The following LILRB1 variants were observed in gnomAD, a reference collection of about 807,000 sequenced individuals.
The protein encoded by LILRB1 is leukocyte immunoglobulin like receptor B1.
In LILRB1, 59 loss-of-function variants were observed where a neutral mutation model predicts 74.6. That is an observed-to-expected ratio of 0.79 (90% CI 0.64 to 0.98). The LOEUF (loss-of-function observed/expected upper bound fraction) is 0.98. Ranked by LOEUF, LILRB1 falls within the 50% of genes least tolerant of loss-of-function variation. The pLI, the probability that LILRB1 is intolerant of heterozygous loss-of-function variation, is 0.00. For synonymous variants in LILRB1, 328 were observed against 333.9 expected (o/e 0.98, Z 0.19); for missense variants, 804 against 822.6 (o/e 0.98, Z 0.28).
At chr19:54,633,733 C>T (rs757979411) in intron 8 of LILRB1, 45 bp downstream of exon 8, 2 of 1,585,278 alleles carry the variant, frequency 1.3e-6, no homozygotes, top group Non-Finnish European at 1.7e-6. Flanking sequence ...CGGCCTCCCC[C>T]AGGGCAGCCC....
chr19:54,635,364 G>A (rs1216501083), intron 12 of LILRB1, 68 bp downstream of exon 12: 2 of 1,593,436 alleles, frequency 1.3e-6, no homozygotes, highest in African/African-American at 2.7e-5. Flanking sequence ...TAGCAATGGG[G>A]AAAGGGGCGC....
At position 54,637,907 on chromosome 19, in the gene LILRB1, A is replaced by G. The variant is rs979338361; in HGVS notation, c.*1029A>G. 6.6e-6 allele frequency among the ~76,000 whole-genome samples: 1 copy of G among 152,252 alleles called. No individual in the cohort carries two copies. The highest frequency in any genetic ancestry group is 2.4e-5 in the African/African-American group (1 of 41,466). On this transcript the variant is annotated 3_prime_UTR_variant, in exon 15 of 15. Transcript: ENST00000324602. ...TGAAATATTCTAAACTGGAGTTTAC[A>G]TAATGAACATAAGAGTAATCAGAGA...
chr19:54,633,867 G>A (rs1446248421), intron 8 of LILRB1, 104 bp from the exon 9 acceptor site: 40 of 1,486,860 alleles, frequency 2.7e-5, no homozygotes, highest in East Asian at 4.9e-5. Flanking sequence ...AGGGGTGGGG[G>A]GTCAAGGCAG....
At chr19:54,621,717 G>A (rs1281095917) in intron 1 of LILRB1, among the ~76,000 whole-genome samples, 1 of 151,828 alleles carries the variant, frequency 6.6e-6, no homozygotes, top group African/African-American at 2.4e-5. Flanking sequence ...GTCTATTCGG[G>A]GGTTTGTTGC....
chr19:54,628,949 G>A (rs775032457), upstream of LILRB1, among the ~76,000 whole-genome samples: 8 of 152,180 alleles, frequency 5.3e-5, no homozygotes, highest in Non-Finnish European at 8.8e-5. Context: ...TATGAGCCAG[G>A]AACCGCAGGT....
At chr19:54,633,378 G>T in intron 7 of LILRB1, 60 bp downstream of exon 7, 1 of 1,541,132 alleles carries the variant, frequency 6.5e-7, no homozygotes, top group Non-Finnish European at 8.8e-7. Flanking sequence ...CCTGCCCCAG[G>T]AGAGCTCTGG....
chr19:54,627,289 C>G (rs2063619275), upstream of LILRB1, among the ~76,000 whole-genome samples: 1 of 152,188 alleles, frequency 6.6e-6, no homozygotes, highest in African/African-American at 2.4e-5. Context: ...AAGCCCTCCC[C>G]TCAACGAAAT....
intron 1 of LILRB1, among the ~76,000 whole-genome samples, chr19:54,618,366 T>C (rs534628250): frequency 9.4e-4 from 143 of 152,316 alleles, no homozygotes; most frequent in Non-Finnish European, 1.8e-3. Context: ...TTAAGTAAAA[T>C]CTTTAATAAA....
rs1212679795 is a variant in LILRB1 at position 54,636,996 on chromosome 19, C to A, written c.*118C>A. ...GATCTACCCCAGGAGACTCTGGGAA[C>A]TTTTAGGGGTCACTCAATTCTGCAG... is the stretch of plus-strand genomic sequence containing the variant. On this transcript the variant is annotated 3_prime_UTR_variant, in exon 15 of 15. Coordinates refer to ENST00000324602, the MANE Select transcript of LILRB1 (RefSeq NM_001081637.3). The A allele has an allele frequency of 2.2e-5, 28 of 1,278,808 alleles. No individual in the cohort carries two copies. Among genetic ancestry groups the A allele is most frequent in the Non-Finnish European group, 2.9e-5 (27 of 920,146 alleles). The allele number at this position is 1,278,808 out of a possible 1,614,324, so 79.2% of individuals were successfully genotyped here.
In LILRB1 at chr19:54,636,655, G is replaced by C. The variant is rs1299131541; in HGVS notation, c.1812+3G>C. ...AGGACAGGCAGATGGACACTGAGGT[G>C]AGTCCTTTCCTCTCCAGGCCCCCAG... On this transcript the variant is annotated splice_donor_region_variant and intron_variant, in intron 14 of 14. Transcript: ENST00000324602. 1.9e-6 allele frequency: 3 copies of C among 1,610,846 alleles called. No homozygotes were observed. The South Asian group carries it at 3.3e-5, about 18-fold the overall frequency.
chr19:54,634,843 G>A, intron 10 of LILRB1, 80 bp downstream of exon 10: 4 of 1,557,758 alleles, frequency 2.6e-6, no homozygotes, highest in Non-Finnish European at 3.5e-6. Context: ...AAACCACTGG[G>A]CAAATGCAGC....
intron 12 of LILRB1, 97 bp from the exon 13 acceptor site, chr19:54,635,460 C>G: frequency 6.5e-7 from 1 of 1,532,144 alleles, no homozygotes; most frequent in Admixed American, 1.8e-5. Context: ...CTCCCTGCAT[C>G]TCAGTGGCCC....
At position 54,636,762 on chromosome 19, in the gene LILRB1, A is replaced by G. The variant is rs1246292065; in HGVS notation, c.1843A>G (p.Thr615Ala). Residue 615 changes from threonine to alanine, a missense_variant, in exon 15 of 15, where the codon ACC (threonine) becomes GCC (alanine). Transcript: ENST00000324602. ...TGCATCTGAAGCCCCCCAGGATGTGACCTACGCCCAGCTGCACAGCTTGAC... is the reference window on the plus strand; with the variant it reads ...TGCATCTGAAGCCCCCCAGGATGTGGCCTACGCCCAGCTGCACAGCTTGAC... ...AAASEAPQDV[T>A]YAQLHSLTLR... 1 of 1,589,168 alleles carries G rather than the reference A, an allele frequency of 6.3e-7. No individual in the cohort carries two copies. Among genetic ancestry groups the G allele is most frequent in the African/African-American group, 1.4e-5 (1 of 72,182 alleles).
At position 54,635,283 on chromosome 19, in the gene LILRB1, G is replaced by C. The variant is rs1299136664; in HGVS notation, c.1587G>C (p.Gln529His). The C allele has an allele frequency of 6.2e-7, 1 of 1,613,114 alleles. No homozygotes were observed. The highest frequency in any genetic ancestry group is 8.5e-7 in the Non-Finnish European group (1 of 1,179,166). The part of the protein sequence containing the change: ...QWRSSPAADA[Q>H]EENLYAAVKH... The stretch of plus-strand genomic sequence containing the variant: ...GGTCCAGCCCAGCTGCCGATGCCCA[G>C]GAAGAAAACCTCTGTGAGTGAGAGG... The change falls in exon 12 of 15, where the codon CAG becomes CAC. Residue 529 changes from glutamine to histidine, a missense_variant. Transcript: ENST00000324602.
chr19:54,631,526 G>T lies in LILRB1; in HGVS notation c.97G>T (p.Ala33Ser). The T allele has an allele frequency of 6.2e-7, 1 of 1,613,714 alleles. No homozygotes were observed. Among genetic ancestry groups the T allele is most frequent in the Non-Finnish European group, 8.5e-7 (1 of 1,179,792 alleles). The change falls in exon 4 of 15, where the codon GCT (alanine) becomes TCT (serine). Residue 33 changes from alanine to serine, a missense_variant. Coordinates refer to ENST00000324602, the MANE Select transcript of LILRB1 (RefSeq NM_001081637.3). ...GCACCTCCCCAAGCCCACCCTCTGGGCTGAACCAGGCTCTGTGATCACCCA... is the reference window on the plus strand; with the variant it reads ...GCACCTCCCCAAGCCCACCCTCTGGTCTGAACCAGGCTCTGTGATCACCCA... ...AGHLPKPTLW[A>S]EPGSVITQGS...
chr19:54,626,751 A>G (rs2063600715), upstream of LILRB1, among the ~76,000 whole-genome samples: 1 of 152,072 alleles, frequency 6.6e-6, no homozygotes, highest in Admixed American at 6.5e-5. Context: ...TTTTTCTCCC[A>G]CACATGTGAT....
At chr19:54,629,452 C>A (rs1458115357), upstream of LILRB1, among the ~76,000 whole-genome samples, 1 of 152,240 alleles carries the variant, frequency 6.6e-6, no homozygotes, top group Non-Finnish European at 1.5e-5. Context: ...TTGAGATCCA[C>A]AAGGAGACAC....
upstream of LILRB1, among the ~76,000 whole-genome samples, chr19:54,616,561 T>C (rs755063110): frequency 3.4e-4 from 51 of 152,144 alleles, no homozygotes; most frequent in Non-Finnish European, 6.6e-4. Context: ...AAGTGGTAAG[T>C]CCTCCTGAGC....
In LILRB1 at chr19:54,633,309, G is replaced by C; in HGVS notation, c.1252G>C (p.Val418Leu). ...TCACCCCAGTGACCCCCTGGAGCTC[G>C]TGGTCTCAGGTGGGGGCCTTGACCC... ...LTHPSDPLEL[V>L]VSGPSGGPSS... Residue 418 changes from valine (V) to leucine (L), a missense_variant, in exon 7 of 15, where the codon GTG becomes CTG. Coordinates refer to ENST00000324602, the MANE Select transcript of LILRB1 (RefSeq NM_001081637.3). 3.1e-6 allele frequency: 5 copies of C among 1,613,654 alleles called. No individual in the cohort carries two copies. The highest frequency in any genetic ancestry group is 3.4e-6 in the Non-Finnish European group (4 of 1,179,658).
Sources: gnomAD v4.1 joint callset for allele counts (sites outside exome capture counted in the v4.1 genomes callset) on GRCh38, gnomAD v4.1.1 for gene constraint, MANE v1.5 for transcripts, NCBI Gene and HGNC (gene_info 2026-07-23, HGNC 2026-07-21) for gene names.